NPAS3: variants seen among roughly 807,000 people sequenced by gnomAD.
NPAS3 encodes the protein neuronal PAS domain-containing protein 3.
Under a neutral mutation model 73.1 loss-of-function variants are expected in NPAS3, and 14 were observed. That is an observed-to-expected ratio of 0.19 (90% CI 0.13 to 0.30). NPAS3 has a LOEUF of 0.30. NPAS3 is among the 10% of genes least tolerant of loss of function. NPAS3 has a pLI of 1.00. For synonymous variants in NPAS3, 620 were observed against 541.5 expected (o/e 1.14, Z -2.01); for missense variants, 1,096 against 1,250.0 (o/e 0.88, Z 1.86).
chr14:33,140,380 C>G (rs1408468157), intron 2 of NPAS3, among the ~76,000 whole-genome samples: 2 of 152,060 alleles, frequency 1.3e-5, no homozygotes, highest in East Asian at 3.9e-4. Flanking sequence ...AAAAAACAGT[C>G]ACTATTTTGA....
intron 7 of NPAS3, among the ~76,000 whole-genome samples, chr14:33,745,921 A>C (rs2061777142): frequency 6.6e-6 from 1 of 152,222 alleles, no homozygotes; most frequent in Non-Finnish European, 1.5e-5. Flanking sequence ...GGGAAGACTA[A>C]TATAGCCCTT....
chr14:32,935,793 C>A (rs1474353690), upstream of NPAS3, among the ~76,000 whole-genome samples: 1 of 152,062 alleles, frequency 6.6e-6, no homozygotes, highest in Non-Finnish European at 1.5e-5. Context: ...GCTTTAGAAC[C>A]CTGAAGTTTT....
chr14:33,598,267 C>T (rs2057303334), intron 5 of NPAS3, among the ~76,000 whole-genome samples: 1 of 152,154 alleles, frequency 6.6e-6, no homozygotes, highest in African/African-American at 2.4e-5. Flanking sequence ...CCAGTTTTTC[C>T]ATCCTGCCCA....
At chr14:33,523,684 G>A (rs1397749176) in intron 4 of NPAS3, among the ~76,000 whole-genome samples, 5 of 151,692 alleles carry the variant, frequency 3.3e-5, no homozygotes, top group Admixed American at 3.3e-4. Context: ...GGAGGCTGAG[G>A]CAAGAGAATG....
intron 5 of NPAS3, among the ~76,000 whole-genome samples, chr14:33,616,527 G>A (rs10145647): frequency 0.049 from 7,464 of 152,158 alleles, 402 homozygotes; most frequent in African/African-American, 0.13. Flanking sequence ...TACTTTCCCT[G>A]TTCTTCCTGA....
chr14:33,452,918 G>A (rs1183691091), intron 4 of NPAS3, among the ~76,000 whole-genome samples: 16 of 151,706 alleles, frequency 1.1e-4, no homozygotes, highest in Admixed American at 1.1e-3. Context: ...CTCTCTTCTT[G>A]TAATTATGCT....
Position 33,429,768 on chromosome 14 carries a change from A to G in NPAS3, c.468+62500A>G, listed in dbSNP as rs116284718. Among the ~76,000 whole-genome samples, 845 of 152,264 alleles carry G rather than the reference A, an allele frequency of 5.5e-3. 6 individuals carry two copies. The highest frequency in any genetic ancestry group is 0.02 in the African/African-American group (811 of 41,546). On this transcript the variant is annotated intron_variant, in intron 4 of 11. Coordinates refer to ENST00000356141, the Ensembl canonical transcript of NPAS3. ...TTAAGAAACAGAACTAAAAAGGTACATTTTGAAAGTTGGATGTTATGATGA... is the reference window on the plus strand; with the variant it reads ...TTAAGAAACAGAACTAAAAAGGTACGTTTTGAAAGTTGGATGTTATGATGA...
chr14:33,035,438 T>C (rs182335381), intron 1 of NPAS3, among the ~76,000 whole-genome samples: 1 of 152,330 alleles, frequency 6.6e-6, no homozygotes, highest in East Asian at 1.9e-4. Context: ...TAACCTTGGC[T>C]GTGCACACGT....
chr14:33,367,330 CT>C (rs960065917), intron 4 of NPAS3, 62 bp downstream of exon 4: 45 of 738,932 alleles, frequency 6.1e-5, no homozygotes, highest in East Asian at 1.9e-4. Context: ...TATGTTTAGT[CT>C]TTTTTTTAAA....
intron 2 of NPAS3, among the ~76,000 whole-genome samples, chr14:33,085,384 A>G (rs1055243917): frequency 2.0e-5 from 3 of 152,206 alleles, no homozygotes; most frequent in Non-Finnish European, 4.4e-5. Flanking sequence ...ATTCACAATC[A>G]GCTAATTGTG....
intron 1 of NPAS3, among the ~76,000 whole-genome samples, chr14:32,942,140 G>T (rs1221480708): frequency 6.6e-6 from 1 of 152,150 alleles, no homozygotes; most frequent in Admixed American, 6.5e-5. Flanking sequence ...CTGTGGATAT[G>T]TTTTAAATGG....
chr14:33,539,114 G>C (rs2054389420), intron 4 of NPAS3, among the ~76,000 whole-genome samples: 1 of 152,108 alleles, frequency 6.6e-6, no homozygotes, highest in Admixed American at 6.6e-5. Context: ...TGAGGGAGAA[G>C]AAGATTGTGT....
intron 4 of NPAS3, among the ~76,000 whole-genome samples, chr14:33,446,468 C>T (rs1425697787): frequency 6.6e-6 from 1 of 152,134 alleles, no homozygotes; most frequent in Non-Finnish European, 1.5e-5. Context: ...AGCCACCGCG[C>T]CCGGCCACTT....
chr14:33,452,281 G>C (rs1354255827), intron 4 of NPAS3, among the ~76,000 whole-genome samples: 3 of 152,196 alleles, frequency 2.0e-5, no homozygotes, highest in African/African-American at 4.8e-5. Flanking sequence ...TTCTGTGAAG[G>C]AGGAGTTGAA....
chr14:33,244,266 A>G (rs751092568), intron 3 of NPAS3, among the ~76,000 whole-genome samples: 2 of 152,136 alleles, frequency 1.3e-5, no homozygotes, highest in African/African-American at 2.4e-5. Flanking sequence ...ACTTCTTCCA[A>G]GCTTATAGAG....
At chr14:33,225,811 T>C (rs879299575) in intron 3 of NPAS3, among the ~76,000 whole-genome samples, 68 of 152,310 alleles carry the variant, frequency 4.5e-4, no homozygotes, top group Non-Finnish European at 7.6e-4. Flanking sequence ...CCATTAGAAC[T>C]GGAGGTGGAC....
intron 4 of NPAS3, among the ~76,000 whole-genome samples, chr14:33,462,339 CCTT>C (rs1409423116): frequency 1.1e-4 from 16 of 152,176 alleles, no homozygotes; most frequent in African/African-American, 3.6e-4. Flanking sequence ...GTTCTCGTCT[CCTT>C]CTGGGCACAA....
At chr14:33,315,540 G>A (rs180701976) in intron 3 of NPAS3, among the ~76,000 whole-genome samples, 67 of 151,942 alleles carry the variant, frequency 4.4e-4, no homozygotes, top group African/African-American at 1.5e-3. Context: ...GTGTATGTGT[G>A]TGTGGTTGGG....
At chr14:33,100,711 T>G (rs2042555487) in intron 2 of NPAS3, among the ~76,000 whole-genome samples, 1 of 152,192 alleles carries the variant, frequency 6.6e-6, no homozygotes, top group Non-Finnish European at 1.5e-5. Context: ...TTAGTGCATA[T>G]TGTCCCCTGA....
Sources: allele counts gnomAD v4.1 joint callset (sites outside exome capture counted in the v4.1 genomes callset), GRCh38; gene constraint gnomAD v4.1.1; transcripts MANE v1.5; gene names NCBI Gene and HGNC (gene_info 2026-07-23, HGNC 2026-07-21).